The following ALDH7A1 variants were observed in gnomAD, a reference collection of about 807,000 sequenced individuals.
ALDH7A1 encodes aldehyde dehydrogenase 7 family member A1.
ALDH7A1 carries 63 observed loss-of-function variants against 79.9 expected under a neutral mutation model. The ratio of observed to expected loss-of-function variants is 0.79; its 90% CI spans 0.64 to 0.97. The LOEUF (loss-of-function observed/expected upper bound fraction) is 0.97. Ranked by LOEUF, ALDH7A1 falls within the 50% of genes least tolerant of loss-of-function variation. ALDH7A1 has a pLI of 0.00. For synonymous variants in ALDH7A1, 240 were observed against 231.2 expected, an observed-to-expected ratio of 1.04 and a Z score of -0.34; for missense variants, 627 against 665.2, an observed-to-expected ratio of 0.94 and a Z score of 0.63.
chr5:126,579,809 A>T (rs1223463292), intron 5 of ALDH7A1, among the ~76,000 whole-genome samples: 1 of 152,110 alleles, frequency 6.6e-6, no homozygotes, highest in East Asian at 1.9e-4. Flanking sequence ...AAAATTTTTA[A>T]ATTAGCTGGG....
At position 126,544,912 on chromosome 5, in the gene ALDH7A1, CA is replaced by C; in HGVS notation, c.*52del. 6.8e-7 allele frequency: 1 copy of C among 1,478,000 alleles called. No individual in the cohort carries two copies. Among genetic ancestry groups the C allele is most frequent in the Non-Finnish European group, 9.5e-7 (1 of 1,057,874 alleles). The allele number at this position is 1,478,000 out of a possible 1,614,324, so 91.6% of individuals were successfully genotyped here. The stretch of plus-strand genomic sequence containing the variant: ...AAACTTTAATTTTCTTTGTCTTCTC[CA>C]AAAACAGCTGCTGGAACACCTCAAA... On this transcript the variant is annotated 3_prime_UTR_variant, in exon 18 of 18. Transcript: ENST00000409134.
intron 3 of ALDH7A1, 179 bp downstream of exon 3, chr5:126,592,485 T>G: frequency 3.2e-6 from 2 of 633,232 alleles, no homozygotes; most frequent in East Asian, 5.5e-5. Context: ...GGCACTACCC[T>G]AGAAATATGG....
At chr5:126,553,177 T>C (rs1242687229) in intron 13 of ALDH7A1, 1 of 152,202 alleles carries the variant, frequency 6.6e-6, no homozygotes, top group East Asian at 1.9e-4. Context: ...TGAAAAGGAA[T>C]TTTCCTTTCC....
At chr5:126,590,230 C>T (rs1751509636) in intron 3 of ALDH7A1, among the ~76,000 whole-genome samples, 3 of 151,384 alleles carry the variant, frequency 2.0e-5, no homozygotes, top group South Asian at 2.1e-4. Flanking sequence ...CGCCTCTGCC[C>T]GGCCGCTGCC....
intron 14 of ALDH7A1, among the ~76,000 whole-genome samples, chr5:126,551,725 G>GC (rs1750006038): frequency 6.6e-6 from 1 of 152,150 alleles, no homozygotes; most frequent in African/African-American, 2.4e-5. Context: ...TTCAGGAGAA[G>GC]GTGACTCTAT....
intron 5 of ALDH7A1, among the ~76,000 whole-genome samples, chr5:126,580,916 C>G (rs1751151861): frequency 6.6e-6 from 1 of 152,122 alleles, no homozygotes; most frequent in African/African-American, 2.4e-5. Context: ...CCTCCGCCTC[C>G]CGGGTTCAAG....
chr5:126,572,342 T>C (rs1421611893), intron 7 of ALDH7A1, among the ~76,000 whole-genome samples: 1 of 152,214 alleles, frequency 6.6e-6, no homozygotes, highest in Non-Finnish European at 1.5e-5. Flanking sequence ...TTTCAGGATG[T>C]ACAATTCTTC....
At chr5:126,553,208 A>G (rs1750063962) in intron 13 of ALDH7A1, 1 of 152,192 alleles carries the variant, frequency 6.6e-6, no homozygotes, top group Non-Finnish European at 1.5e-5. Context: ...TAAGGACCCA[A>G]TTCAAAAGCA....
At position 126,555,989 on chromosome 5, in the gene ALDH7A1, C is replaced by T. The variant is rs1347914447; in HGVS notation, c.1035G>A (p.Glu345=). Residue 345 remains glutamate, a synonymous_variant, in exon 12 of 18, where the codon GAG becomes GAA. Coordinates refer to ENST00000409134, the MANE Select transcript of ALDH7A1 (RefSeq NM_001182.5). ...AGGCCTTTTTAAGTCTGTTTACAAC[C>T]TCATCATGGATGCTTTCATGTATAA... ...RLFIHESIHD[E]VVNRLKKAYA... 2 of 1,613,408 alleles carry T rather than the reference C, an allele frequency of 1.2e-6. No homozygotes were observed. Among genetic ancestry groups the T allele is most frequent in the South Asian group, 2.2e-5 (2 of 91,066 alleles).
chr5:126,590,852 T>C (rs1452669682), intron 3 of ALDH7A1, among the ~76,000 whole-genome samples: 1 of 144,026 alleles, frequency 6.9e-6, no homozygotes, highest in Non-Finnish European at 1.5e-5. Context: ...GCCACTGCAC[T>C]CCAGCCTGGG....
intron 16 of ALDH7A1, among the ~76,000 whole-genome samples, chr5:126,549,264 T>C (rs1335460891): frequency 6.6e-6 from 1 of 152,154 alleles, no homozygotes; most frequent in African/African-American, 2.4e-5. Context: ...GTAATTGTAG[T>C]ATCTGCTCTA....
intron 11 of ALDH7A1, 81 bp from the exon 12 acceptor site, chr5:126,556,096 C>G: frequency 1.2e-6 from 1 of 850,362 alleles, no homozygotes; most frequent in Non-Finnish European, 2.0e-6. Context: ...TTGATAGTTA[C>G]TGAAATACTG....
intron 3 of ALDH7A1, chr5:126,587,093 A>AAAAAAGG (rs1751380051): frequency 6.7e-6 from 1 of 149,530 alleles, no homozygotes; most frequent in African/African-American, 2.5e-5. Context: ...AAGAAAAAAG[A>AAAAAAGG]AAGAAAAAAA....
At chr5:126,553,998 C>T (rs771201810) in intron 13 of ALDH7A1, among the ~76,000 whole-genome samples, 4 of 151,878 alleles carry the variant, frequency 2.6e-5, no homozygotes, top group Non-Finnish European at 4.4e-5. Context: ...ATCCCAGCTA[C>T]TCGGGAGGCT....
rs966540476 is a variant in ALDH7A1, at chr5:126,595,182, C to G, written c.17G>C (p.Arg6Pro). The stretch of plus-strand genomic sequence containing the variant: ...CTTTGCAGCGTGCACACACAGCGCG[C>G]GAGGAAGGCGCCACATACTGAGCCC... MWRLP[R>P]ALCVHAAKTS... The change falls in exon 1 of 18, where the codon CGC becomes CCC. Residue 6 changes from arginine (R) to proline (P), a missense_variant. By Grantham distance (103) the Arg-to-Pro change is moderately radical (BLOSUM62 -2). Transcript: ENST00000409134. 3.9e-6 allele frequency: 6 copies of G among 1,552,292 alleles called. No individual in the cohort carries two copies. The African/African-American group carries it at 5.5e-5, about 14-fold the overall frequency.
intron 7 of ALDH7A1, among the ~76,000 whole-genome samples, chr5:126,574,124 C>A (rs554508552): frequency 5.7e-4 from 87 of 152,082 alleles, no homozygotes; most frequent in Non-Finnish European, 1.1e-3. Context: ...ATCTTCTAGG[C>A]TGGGCACAGT....
chr5:126,560,043 C>T (rs1287822340), intron 10 of ALDH7A1, among the ~76,000 whole-genome samples: 2 of 151,978 alleles, frequency 1.3e-5, no homozygotes, highest in African/African-American at 4.8e-5. Context: ...GCAATCCTCC[C>T]ACCTCAGCCT....
Position 126,583,966 on chromosome 5 carries a change from G to T in ALDH7A1, c.359C>A (p.Ala120Asp), listed in dbSNP as rs549279821. The change falls in exon 4 of 18, where the codon GCC becomes GAC. Residue 120 changes from alanine to aspartate, a missense_variant. By Grantham distance (126) the Ala-to-Asp change is moderately radical. Transcript: ENST00000409134. The stretch of plus-strand genomic sequence containing the variant: ...TAGTACTTGGATCTTCTCCCGCAAG[G>T]CATCGCCAATCTGTCTTACTATTTC... ...RGEIVRQIGD[A>D]LREKIQVLGS... 21 of 1,614,128 alleles carry T rather than the reference G, an allele frequency of 1.3e-5. No individual in the cohort carries two copies. In the Admixed American group the frequency reaches 1.3e-4, roughly 10 times the overall value.
At position 126,544,479 on chromosome 5, in the gene ALDH7A1, T is replaced by C. The variant is rs1010274186; in HGVS notation, c.*486A>G. On this transcript the variant is annotated 3_prime_UTR_variant, in exon 18 of 18. Transcript: ENST00000409134. ...TGAATACTGAACTGTGGTCCAAGCA[T>C]ACAGGGGAATGCATCCCCCTTTCAA... 8.8e-5 allele frequency: 17 copies of C among 192,406 alleles called. No individual in the cohort carries two copies. The highest frequency in any genetic ancestry group is 3.2e-4 in the Admixed American group (6 of 18,500). The allele number at this position is 192,406 out of a possible 1,614,324, so 11.9% of individuals were successfully genotyped here.
Sources: gnomAD v4.1 joint callset for allele counts (sites outside exome capture counted in the v4.1 genomes callset) on GRCh38, gnomAD v4.1.1 for gene constraint, MANE v1.5 for transcripts, NCBI Gene and HGNC (gene_info 2026-07-23, HGNC 2026-07-21) for gene names.